The following CTNNA2 variants were observed in gnomAD, a reference collection of about 807,000 sequenced individuals.
CTNNA2 encodes catenin alpha-2.
CTNNA2 carries 42 observed loss-of-function variants against 101.0 expected under a neutral mutation model. The observed-to-expected ratio is 0.42, with a 90% confidence interval of 0.32 to 0.54. The LOEUF is 0.54. Among genes scored for constraint, CTNNA2 ranks in the 20% least tolerant of loss-of-function variants. CTNNA2 has a pLI of 0.14. For synonymous variants in CTNNA2, 450 were observed against 456.4 expected (o/e 0.99, Z 0.18); for missense variants, 871 against 1,223.1 (o/e 0.71, Z 4.29).
chr2:79,190,210 A>G (rs1310042426), intron 1 of CTNNA2, among the ~76,000 whole-genome samples: 1 of 151,998 alleles, frequency 6.6e-6, no homozygotes, highest in Non-Finnish European at 1.5e-5. Flanking sequence ...AATTGTTCAA[A>G]TCCTTTACAT....
intron 7 of CTNNA2, among the ~76,000 whole-genome samples, chr2:80,060,956 C>CTGAGACTGCTG (rs1157448244): frequency 6.6e-6 from 1 of 152,126 alleles, no homozygotes; most frequent in African/African-American, 2.4e-5. Flanking sequence ...TGCACAGCTC[C>CTGAGACTGCTG]AAAGGGCCAC....
intron 7 of CTNNA2, among the ~76,000 whole-genome samples, chr2:79,934,728 A>G (rs974985861): frequency 3.9e-5 from 6 of 152,204 alleles, no homozygotes; most frequent in African/African-American, 1.4e-4. Context: ...GAACAAGGTG[A>G]GCTCTTCCTC....
At chr2:79,984,374 T>C (rs1298741364) in intron 7 of CTNNA2, among the ~76,000 whole-genome samples, 2 of 152,116 alleles carry the variant, frequency 1.3e-5, no homozygotes, top group African/African-American at 4.8e-5. Flanking sequence ...TCCAAGTCCT[T>C]CTTCTCACTT....
chr2:79,694,878 G>T (rs1369128180), intron 2 of CTNNA2, among the ~76,000 whole-genome samples: 1 of 151,824 alleles, frequency 6.6e-6, no homozygotes, highest in Non-Finnish European at 1.5e-5. Context: ...ATCCTCCTTT[G>T]CTCAGTTGTG....
At chr2:80,594,523 C>CT (rs1259183750) in intron 15 of CTNNA2, among the ~76,000 whole-genome samples, 7 of 151,258 alleles carry the variant, frequency 4.6e-5, no homozygotes, top group South Asian at 2.1e-4. Context: ...AGTTCAACAT[C>CT]TTTTTTTTTC....
chr2:80,055,697 G>C, intron 7 of CTNNA2, among the ~76,000 whole-genome samples: 1 of 152,092 alleles, frequency 6.6e-6, no homozygotes, highest in East Asian at 1.9e-4. Context: ...TCTCCAGTTT[G>C]CCAGTCTTAA....
intron 7 of CTNNA2, among the ~76,000 whole-genome samples, chr2:80,066,937 A>C (rs1698024491): frequency 6.6e-6 from 1 of 152,200 alleles, no homozygotes; most frequent in Non-Finnish European, 1.5e-5. Context: ...TCATTTGCAA[A>C]AATATAGATG....
intron 4 of CTNNA2, among the ~76,000 whole-genome samples, chr2:79,493,354 G>A (rs1364223569): frequency 6.6e-6 from 1 of 152,106 alleles, no homozygotes; most frequent in Non-Finnish European, 1.5e-5. Context: ...TTGGCCGACT[G>A]TGCCTGTAAT....
intron 2 of CTNNA2, among the ~76,000 whole-genome samples, chr2:79,721,610 T>C (rs1686494117): frequency 6.6e-6 from 1 of 152,220 alleles, no homozygotes; most frequent in Non-Finnish European, 1.5e-5. Context: ...CAGATAGAAA[T>C]GGTATTATCT....
chr2:79,427,929 G>T (rs1678610328), intron 4 of CTNNA2, among the ~76,000 whole-genome samples: 1 of 151,994 alleles, frequency 6.6e-6, no homozygotes. Flanking sequence ...AGAGGAAAAT[G>T]AAGGGAAAAT....
intron 3 of CTNNA2, among the ~76,000 whole-genome samples, chr2:79,331,052 C>G (rs1558630180): frequency 6.6e-6 from 1 of 152,174 alleles, no homozygotes; most frequent in African/African-American, 2.4e-5. Flanking sequence ...CATTTTTCAA[C>G]CTCTATGTAG....
chr2:80,441,932 A>G (rs765915748), intron 9 of CTNNA2, among the ~76,000 whole-genome samples: 1 of 152,230 alleles, frequency 6.6e-6, no homozygotes, highest in Non-Finnish European at 1.5e-5. Context: ...AGAAGCCAGA[A>G]CAAAAGGGAG....
At chr2:80,424,747 T>C (rs1326378904) in intron 9 of CTNNA2, among the ~76,000 whole-genome samples, 1 of 152,254 alleles carries the variant, frequency 6.6e-6, no homozygotes, top group Non-Finnish European at 1.5e-5. Context: ...CCCCAATTTT[T>C]GTTTTTTAAC....
intron 7 of CTNNA2, among the ~76,000 whole-genome samples, chr2:80,305,635 C>T (rs971968467): frequency 3.3e-5 from 5 of 152,224 alleles, no homozygotes; most frequent in South Asian, 4.2e-4. Flanking sequence ...GACGAGAAGC[C>T]TTTGCCTCAT....
chr2:80,190,405 A>G (rs989766426), intron 7 of CTNNA2, among the ~76,000 whole-genome samples: 1 of 152,058 alleles, frequency 6.6e-6, no homozygotes, highest in Non-Finnish European at 1.5e-5. Context: ...TTTGTATAGC[A>G]TTTTCAGTTA....
intron 15 of CTNNA2, among the ~76,000 whole-genome samples, chr2:80,600,828 C>T (rs1418608468): frequency 6.6e-6 from 1 of 152,142 alleles, no homozygotes; most frequent in Non-Finnish European, 1.5e-5. Flanking sequence ...CAGCCTCTGC[C>T]TCCCAAAGTG....
At position 79,982,029 on chromosome 2, in the gene CTNNA2, G is replaced by GTTTTGTTTTTGT. The variant is rs3066072; in HGVS notation, c.1056+72243_1056+72254dup. Among the ~76,000 whole-genome samples the GTTTTGTTTTTGT allele has an allele frequency of 8.8e-5, 13 of 148,128 alleles. No individual in the cohort carries two copies. In the East Asian group the frequency reaches 2.0e-3, roughly 23 times the overall value. ...AGCCAAGTTCTTGGTTCATGGTAGT[G>GTTTTGTTTTTGT]TTTTGTTTTTGTTTTTGTTTTTATT... On this transcript the variant is annotated intron_variant, in intron 7 of 18. Transcript: ENST00000402739.
chr2:80,577,181 A>G (rs1695127537), intron 13 of CTNNA2, among the ~76,000 whole-genome samples: 1 of 152,182 alleles, frequency 6.6e-6, no homozygotes, highest in Non-Finnish European at 1.5e-5. Context: ...AACAAAGCAG[A>G]CAAAAGTCTC....
At chr2:80,191,005 T>C (rs1706465697) in intron 7 of CTNNA2, among the ~76,000 whole-genome samples, 1 of 152,224 alleles carries the variant, frequency 6.6e-6, no homozygotes, top group Non-Finnish European at 1.5e-5. Flanking sequence ...GCAGCTGTTC[T>C]AGTGTTTTGA....
Sources: allele counts gnomAD v4.1 joint callset (sites outside exome capture counted in the v4.1 genomes callset), GRCh38; gene constraint gnomAD v4.1.1; transcripts MANE v1.5; gene names NCBI Gene and HGNC (gene_info 2026-07-23, HGNC 2026-07-21).